SFMBT2: variants seen among roughly 807,000 people sequenced by gnomAD.
SFMBT2 encodes scm-like with four MBT domains protein 2.
In SFMBT2, 38 loss-of-function variants were observed where a neutral mutation model predicts 110.1. That is an observed-to-expected ratio of 0.35 (90% CI 0.27 to 0.45). The LOEUF (loss-of-function observed/expected upper bound fraction) is 0.45, where lower values mean the gene tolerates loss of function less well. Ranked by LOEUF, SFMBT2 falls within the 20% of genes least tolerant of loss-of-function variation. The probability of loss-of-function intolerance (pLI) is 1.00; values close to 1 mark genes in which losing one functional copy is unlikely to be tolerated. For missense variants in SFMBT2, 1,011 were observed against 1,094.9 expected (o/e 0.92, Z 1.08); for synonymous variants, 425 against 425.4 (o/e 1.00, Z 0.01).
chr10:7,240,427 T>C (rs939080972), intron 9 of SFMBT2, among the ~76,000 whole-genome samples: 1 of 152,202 alleles, frequency 6.6e-6, no homozygotes, highest in Non-Finnish European at 1.5e-5. Context: ...TGATAAGTAC[T>C]TGAATTTTTC....
intron 9 of SFMBT2, among the ~76,000 whole-genome samples, chr10:7,234,056 A>T (rs1840186107): frequency 6.6e-6 from 1 of 152,188 alleles, no homozygotes; most frequent in African/African-American, 2.4e-5. Flanking sequence ...TTGCTAAAAA[A>T]CTACAACCTC....
chr10:7,308,259 T>C (rs920849835), intron 4 of SFMBT2, among the ~76,000 whole-genome samples: 46 of 152,054 alleles, frequency 3.0e-4, no homozygotes, highest in African/African-American at 1.1e-3. Context: ...CTTGAGAGGC[T>C]GATGCCATAG....
intron 4 of SFMBT2, among the ~76,000 whole-genome samples, chr10:7,336,319 C>T (rs1378620526): frequency 1.3e-5 from 2 of 152,134 alleles, no homozygotes; most frequent in Admixed American, 1.3e-4. Context: ...CACAGCTGAC[C>T]GCAAAATTTC....
At position 7,224,712 on chromosome 10, in the gene SFMBT2, T is replaced by A. The variant is rs190040100; in HGVS notation, c.1203+3143A>T. ...ATTCAGTATGAGCTTACTCAGCCAA[T>A]ACTGAAAACATTATTTTAAAATAAA... On this transcript the variant is annotated intron_variant, in intron 10 of 20. Transcript: ENST00000397167. 3.6e-3 allele frequency among the ~76,000 whole-genome samples: 552 copies of A among 152,266 alleles called. 4 individuals are homozygous for A. The highest frequency in any genetic ancestry group is 0.027 in the Middle Eastern group (8 of 294).
chr10:7,235,463 A>C (rs530915317), intron 9 of SFMBT2, among the ~76,000 whole-genome samples: 1 of 152,026 alleles, frequency 6.6e-6, no homozygotes, highest in Non-Finnish European at 1.5e-5. Context: ...CCGCCAGTCT[A>C]ATGATCCTGA....
chr10:7,356,677 T>G (rs1844525718), intron 4 of SFMBT2, among the ~76,000 whole-genome samples: 1 of 152,222 alleles, frequency 6.6e-6, no homozygotes, highest in South Asian at 2.1e-4. Context: ...CTTCCCAAAG[T>G]GCTGGAATTA....
At chr10:7,215,572 C>G (rs1179589096) in intron 11 of SFMBT2, 1 of 985,344 alleles carries the variant, frequency 1.0e-6, no homozygotes. Context: ...CAACCAAGCA[C>G]TGGAATCCCT....
chr10:7,208,619 G>A (rs1839228821), intron 11 of SFMBT2, among the ~76,000 whole-genome samples: 1 of 151,640 alleles, frequency 6.6e-6, no homozygotes, highest in African/African-American at 2.4e-5. Context: ...TTGGGAGGTG[G>A]AGGTTGCAGT....
intron 4 of SFMBT2, among the ~76,000 whole-genome samples, chr10:7,313,625 TTTTTTG>T (rs552314610): frequency 3.8e-4 from 58 of 151,972 alleles, no homozygotes; most frequent in Middle Eastern, 6.8e-3. Flanking sequence ...ACGATTGGGG[TTTTTTG>T]TTTTTGTTTT....
chr10:7,219,552 T>C (rs2692806), intron 11 of SFMBT2: 80,139 of 173,118 alleles, frequency 0.46, 19,417 homozygotes, highest in East Asian at 0.86. Flanking sequence ...ACCAATTCTA[T>C]GATTTTCCTT....
intron 4 of SFMBT2, chr10:7,286,255 A>G (rs1842084256): frequency 1.1e-5 from 2 of 188,942 alleles, no homozygotes; most frequent in Non-Finnish European, 2.0e-5. Context: ...AAAGTGTACA[A>G]TTCAGGAGGT....
rs143165133 is a variant in SFMBT2 at position 7,289,255 on chromosome 10, G to A, written c.437-3301C>T. Among the ~76,000 whole-genome samples, 412 of 152,274 alleles carry A rather than the reference G, an allele frequency of 2.7e-3. 2 individuals carry two copies. The highest frequency in any genetic ancestry group is 9.4e-3 in the African/African-American group (390 of 41,550). On this transcript the variant is annotated intron_variant, in intron 4 of 20. Coordinates refer to ENST00000397167, the MANE Select transcript of SFMBT2 (RefSeq NM_001387889.1). ...AGAAGAACAATTATTATAATCCAGC[G>A]ATAAATGGTCCTGTGCCTAACACAG...
intron 7 of SFMBT2, among the ~76,000 whole-genome samples, chr10:7,269,757 T>C (rs1564414252): frequency 6.9e-6 from 1 of 144,568 alleles, no homozygotes; most frequent in Non-Finnish European, 1.5e-5. Flanking sequence ...TGTGTGTGTG[T>C]GTCTCTTTTT....
At chr10:7,356,614 T>C (rs907880415) in intron 4 of SFMBT2, among the ~76,000 whole-genome samples, 1 of 152,198 alleles carries the variant, frequency 6.6e-6, no homozygotes, top group Non-Finnish European at 1.5e-5. Flanking sequence ...CATTTCACCA[T>C]GTTGGCCAGG....
intron 4 of SFMBT2, among the ~76,000 whole-genome samples, chr10:7,328,166 T>C (rs1014289766): frequency 1.3e-5 from 2 of 152,350 alleles, no homozygotes; most frequent in Non-Finnish European, 1.5e-5. Context: ...TTACTAATTA[T>C]AATAGGTGTG....
At chr10:7,168,595 G>A (rs974383915) in intron 20 of SFMBT2, among the ~76,000 whole-genome samples, 5 of 152,192 alleles carry the variant, frequency 3.3e-5, no homozygotes, top group African/African-American at 7.2e-5. Flanking sequence ...CATGACCAGC[G>A]CTTGTCACGT....
chr10:7,348,382 A>G (rs1217269857), intron 4 of SFMBT2: 23 of 1,432,606 alleles, frequency 1.6e-5, no homozygotes, highest in Non-Finnish European at 2.1e-5. Context: ...ACTTGCTCCT[A>G]TAATCCATGA....
chr10:7,168,032 C>T (rs1837744832), intron 20 of SFMBT2, among the ~76,000 whole-genome samples: 1 of 150,818 alleles, frequency 6.6e-6, no homozygotes, highest in African/African-American at 2.4e-5. Context: ...CGCGCCATTG[C>T]ACTCTAGCCT....
Position 7,378,152 on chromosome 10 carries a change from GTGGA to G in SFMBT2, c.100+3643_100+3646del, listed in dbSNP as rs1478327048. 5.4e-5 allele frequency among the ~76,000 whole-genome samples: 8 copies of G among 146,964 alleles called. No homozygotes were observed. The East Asian group carries it at 8.3e-4, about 15-fold the overall frequency. ...AGTGTGGGTGTGAGTGTATGGATGG[GTGGA>G]TGGATGGGTGGATGGATGGGTGTGA... On this transcript the variant is annotated intron_variant, in intron 2 of 20. Coordinates refer to ENST00000397167, the MANE Select transcript of SFMBT2 (RefSeq NM_001387889.1).
Sources: gnomAD v4.1 joint callset for allele counts (sites outside exome capture counted in the v4.1 genomes callset) on GRCh38, gnomAD v4.1.1 for gene constraint, MANE v1.5 for transcripts, NCBI Gene and HGNC (gene_info 2026-07-23, HGNC 2026-07-21) for gene names.